NTM: variants seen among roughly 807,000 people sequenced by gnomAD.
NTM encodes the protein neurotrimin.
NTM carries 13 observed loss-of-function variants against 42.1 expected under a neutral mutation model. The observed-to-expected ratio is 0.31, with a 90% CI of 0.20 to 0.49. The LOEUF (loss-of-function observed/expected upper bound fraction) is 0.49, where lower values mean the gene tolerates loss of function less well. NTM is among the 20% of genes least tolerant of loss of function. The probability of loss-of-function intolerance (pLI) is 0.99; values close to 1 mark genes in which losing one functional copy is unlikely to be tolerated. For missense variants in NTM, 373 were observed against 452.8 expected, an observed-to-expected ratio of 0.82 and a Z score of 1.60; for synonymous variants, 187 against 179.2, an observed-to-expected ratio of 1.04 and a Z score of -0.35.
intron 1 of NTM, among the ~76,000 whole-genome samples, chr11:131,603,272 CTT>C (rs143005603): frequency 0.017 from 2,657 of 152,108 alleles, 71 homozygotes; most frequent in African/African-American, 0.06. Flanking sequence ...AGAGTCTTGA[CTT>C]TATCCTCTCT....
At chr11:132,081,740 A>G (rs555395709) in intron 2 of NTM, among the ~76,000 whole-genome samples, 2 of 150,796 alleles carry the variant, frequency 1.3e-5, no homozygotes, top group African/African-American at 4.8e-5. Flanking sequence ...AAAAAAAAAG[A>G]TAGAAGCCAG....
intron 1 of NTM, among the ~76,000 whole-genome samples, chr11:131,392,313 T>C (rs2135597643): frequency 6.7e-6 from 1 of 149,562 alleles, no homozygotes; most frequent in East Asian, 2.0e-4. Context: ...ATGGTAGTCC[T>C]GTGTGCAACC....
At chr11:131,447,357 A>C (rs1039678202) in intron 1 of NTM, among the ~76,000 whole-genome samples, 1 of 151,646 alleles carries the variant, frequency 6.6e-6, no homozygotes, top group East Asian at 1.9e-4. Context: ...AAATAAAGAG[A>C]CCCCCCTTCC....
intron 1 of NTM, among the ~76,000 whole-genome samples, chr11:131,555,718 A>C (rs2055317593): frequency 6.6e-6 from 1 of 152,164 alleles, no homozygotes; most frequent in Non-Finnish European, 1.5e-5. Flanking sequence ...CTCAGGCAGG[A>C]ATGGCCCAGC....
At chr11:131,864,447 C>A (rs2046941236) in intron 1 of NTM, among the ~76,000 whole-genome samples, 1 of 152,204 alleles carries the variant, frequency 6.6e-6, no homozygotes, top group African/African-American at 2.4e-5. Flanking sequence ...GGCTAATTAT[C>A]ATTTTAAACC....
intron 1 of NTM, among the ~76,000 whole-genome samples, chr11:131,703,363 T>C (rs1158647372): frequency 6.6e-6 from 1 of 152,216 alleles, no homozygotes; most frequent in Non-Finnish European, 1.5e-5. Flanking sequence ...TGTTTTTCAA[T>C]TAAATGTTTT....
At chr11:131,982,793 A>C (rs2065459646) in intron 2 of NTM, among the ~76,000 whole-genome samples, 1 of 152,172 alleles carries the variant, frequency 6.6e-6, no homozygotes, top group Non-Finnish European at 1.5e-5. Flanking sequence ...CTTGTTAGTA[A>C]CTCAGAGCTT....
chr11:131,605,660 T>C, intron 1 of NTM: 1 of 251,580 alleles, frequency 4.0e-6, no homozygotes, highest in South Asian at 1.5e-4. Context: ...GTAAGTATGA[T>C]GTTAACCCTG....
chr11:132,024,212 C>T (rs2074833132), intron 2 of NTM, among the ~76,000 whole-genome samples: 1 of 151,848 alleles, frequency 6.6e-6, no homozygotes, highest in African/African-American at 2.4e-5. Flanking sequence ...TCTGCATTTC[C>T]CCAAAGACAT....
chr11:131,670,175 T>C (rs1051390999), intron 1 of NTM, among the ~76,000 whole-genome samples: 2 of 152,242 alleles, frequency 1.3e-5, no homozygotes, highest in African/African-American at 4.8e-5. Context: ...CACTCCAAGA[T>C]AACAGAAGGC....
rs1233981868 is a variant in NTM at position 132,336,524 on chromosome 11, T to C, written c.*1378T>C. 1 of 152,636 alleles carries C rather than the reference T, an allele frequency of 6.6e-6. No homozygotes were observed. Among genetic ancestry groups the C allele is most frequent in the Non-Finnish European group, 1.5e-5 (1 of 68,044 alleles). 9.5% of individuals were successfully genotyped at this position (152,636 alleles called of 1,614,324 possible). On this transcript the variant is annotated 3_prime_UTR_variant, in exon 9 of 9. Transcript: ENST00000683400. ...AGACAGCAAGCAGCTGAACAAGCAG[T>C]ACCGTCAGTACCCACTTGCTTTAGC...
intron 1 of NTM, among the ~76,000 whole-genome samples, chr11:131,532,024 G>C (rs1330072978): frequency 6.6e-6 from 1 of 152,108 alleles, no homozygotes; most frequent in Non-Finnish European, 1.5e-5. Flanking sequence ...TGTGTTGCTT[G>C]GTTTTTGGAG....
intron 4 of NTM, 93 bp from the exon 5 acceptor site, chr11:132,307,596 C>T (rs1482786301): frequency 3.3e-6 from 5 of 1,536,818 alleles, no homozygotes; most frequent in Non-Finnish European, 8.8e-7. Flanking sequence ...AAATTATCTG[C>T]AGACATAACC....
intron 2 of NTM, among the ~76,000 whole-genome samples, chr11:131,987,424 C>T (rs1180652793): frequency 8.1e-6 from 1 of 123,930 alleles, no homozygotes; most frequent in Admixed American, 7.9e-5. Flanking sequence ...CTATTCTATT[C>T]TATTCTATTT....
At chr11:131,994,113 A>G (rs527948358) in intron 2 of NTM, among the ~76,000 whole-genome samples, 8 of 152,322 alleles carry the variant, frequency 5.3e-5, no homozygotes, top group African/African-American at 1.9e-4. Flanking sequence ...ATTAAAGAAG[A>G]CAGTATTAGC....
chr11:132,035,623 T>C (rs2076415415), intron 2 of NTM, among the ~76,000 whole-genome samples: 1 of 152,144 alleles, frequency 6.6e-6, no homozygotes. Flanking sequence ...ATTGGGCTAT[T>C]GGCATGTGTG....
chr11:131,691,179 C>A (rs907714027), intron 1 of NTM, among the ~76,000 whole-genome samples: 7 of 152,182 alleles, frequency 4.6e-5, no homozygotes, highest in Non-Finnish European at 8.8e-5. Flanking sequence ...CCACCCCCGG[C>A]CCTGCACCCA....
chr11:131,474,972 GC>G (rs1421926127), intron 1 of NTM, among the ~76,000 whole-genome samples: 2 of 152,130 alleles, frequency 1.3e-5, no homozygotes, highest in African/African-American at 4.8e-5. Context: ...CTCATTGCCT[GC>G]CCTTGCTCTT....
At chr11:131,916,018 G>C (rs1426014732) in intron 2 of NTM, among the ~76,000 whole-genome samples, 1 of 152,200 alleles carries the variant, frequency 6.6e-6, no homozygotes, top group Non-Finnish European at 1.5e-5. Context: ...GCTTTTGGGG[G>C]CTTGGGTCCA....
Sources: gnomAD v4.1 joint callset for allele counts (sites outside exome capture counted in the v4.1 genomes callset) on GRCh38, gnomAD v4.1.1 for gene constraint, MANE v1.5 for transcripts, NCBI Gene and HGNC (gene_info 2026-07-23, HGNC 2026-07-21) for gene names.